Variants in DPP6 observed in about 807,000 individuals in gnomAD.
DPP6 encodes the protein A-type potassium channel modulatory protein DPP6.
DPP6 carries 69 observed loss-of-function variants against 122.6 expected under a neutral mutation model. The observed-to-expected ratio is 0.56, with a 90% CI of 0.46 to 0.69. DPP6 has a LOEUF of 0.69. DPP6 is among the 30% of genes least tolerant of loss of function. The pLI is 0.00. For missense variants in DPP6, 928 were observed against 1,116.9 expected (o/e 0.83, Z 2.41); for synonymous variants, 418 against 433.1 (o/e 0.97, Z 0.43).
rs112423638 is a variant in DPP6 at position 154,138,142 on chromosome 7, G to A, written c.243+85079G>A. Among the ~76,000 whole-genome samples, 1,082 of 152,242 alleles carry A rather than the reference G, an allele frequency of 7.1e-3. 7 individuals are homozygous for A. The highest frequency in any genetic ancestry group is 0.02 in the Middle Eastern group (6 of 294). On this transcript the variant is annotated intron_variant, in intron 1 of 25. Coordinates refer to ENST00000377770, the MANE Select transcript of DPP6 (RefSeq NM_130797.4). ...TGTTTTTGTGAACAGAAAATATGTG[G>A]ACTTGACTGCTTCATTTACTCTCTC...
At chr7:154,677,598 G>A (rs541554123) in intron 7 of DPP6, among the ~76,000 whole-genome samples, 2 of 152,366 alleles carry the variant, frequency 1.3e-5, no homozygotes, top group Admixed American at 1.3e-4. Flanking sequence ...ATAGCAGATC[G>A]GAGGGATGGA....
intron 5 of DPP6, among the ~76,000 whole-genome samples, chr7:154,572,510 CTTTTTTTT>C (rs77816407): frequency 0.013 from 1,129 of 86,064 alleles, 14 homozygotes; most frequent in African/African-American, 0.03. Context: ...TTTTTCTTTT[CTTTTTTTT>C]TTTTTTTTTT....
intron 1 of DPP6, among the ~76,000 whole-genome samples, chr7:154,253,395 T>C (rs1802473317): frequency 6.6e-6 from 1 of 152,226 alleles, no homozygotes; most frequent in South Asian, 2.1e-4. Context: ...GGGGAAAGCC[T>C]GTCAAGAAAG....
At chr7:154,500,185 A>G (rs2151408066) in intron 3 of DPP6, among the ~76,000 whole-genome samples, 1 of 150,812 alleles carries the variant, frequency 6.6e-6, no homozygotes, top group East Asian at 2.1e-4. Context: ...GTTTAGGCAC[A>G]GAAAGCCACT....
intron 8 of DPP6, among the ~76,000 whole-genome samples, chr7:154,728,745 T>C (rs1023670473): frequency 2.0e-5 from 3 of 152,202 alleles, no homozygotes; most frequent in Admixed American, 1.3e-4. Context: ...CACTGTCTGG[T>C]GAGGGCTCTC....
intron 1 of DPP6, among the ~76,000 whole-genome samples, chr7:154,077,679 T>A (rs185300606): frequency 0.09 from 13,177 of 147,178 alleles, 587 homozygotes; most frequent in Middle Eastern, 0.18. Flanking sequence ...TATTATTATT[T>A]TTTTTTTTTT....
chr7:153,929,779 T>G (rs963813938), intron 1 of DPP6, among the ~76,000 whole-genome samples: 1 of 152,218 alleles, frequency 6.6e-6, no homozygotes, highest in Non-Finnish European at 1.5e-5. Flanking sequence ...AATTACTGTT[T>G]GAATTGTAAT....
intron 12 of DPP6, among the ~76,000 whole-genome samples, chr7:154,798,229 GC>G (rs1563221977): frequency 6.6e-6 from 1 of 152,222 alleles, no homozygotes; most frequent in East Asian, 1.9e-4. Context: ...CCCATGGGGG[GC>G]CGTGGTTCTG....
intron 1 of DPP6, among the ~76,000 whole-genome samples, chr7:154,036,104 C>T (rs1799512535): frequency 6.6e-6 from 1 of 151,626 alleles, no homozygotes; most frequent in South Asian, 2.1e-4. Context: ...CACAAATTGC[C>T]TGCTTTTCTC....
At chr7:154,843,611 G>C (rs561590134) in intron 16 of DPP6, among the ~76,000 whole-genome samples, 1 of 152,352 alleles carries the variant, frequency 6.6e-6, no homozygotes, top group African/African-American at 2.4e-5. Flanking sequence ...GAGGTTGAGA[G>C]AATGTCTCTA....
chr7:154,474,169 G>C (rs1007541216), intron 2 of DPP6, among the ~76,000 whole-genome samples: 3 of 152,118 alleles, frequency 2.0e-5, no homozygotes, highest in Non-Finnish European at 4.4e-5. Flanking sequence ...GTGGATTTTT[G>C]TGCCTCTAAT....
chr7:154,237,834 G>T (rs886257600), intron 1 of DPP6, among the ~76,000 whole-genome samples: 4 of 152,170 alleles, frequency 2.6e-5, no homozygotes, highest in Non-Finnish European at 5.9e-5. Flanking sequence ...ATAATACCTT[G>T]TTAAAGAAAG....
At chr7:154,053,088 G>A (rs1238808536) in intron 1 of DPP6, 25 bp downstream of exon 1, 53 of 1,068,518 alleles carry the variant, frequency 5.0e-5, no homozygotes, top group Admixed American at 3.3e-4. Context: ...GGGGCGGGGG[G>A]CGGCGGCGGG....
intron 5 of DPP6, among the ~76,000 whole-genome samples, chr7:154,572,510 CTTTTTTT>C (rs77816407): frequency 9.3e-5 from 8 of 86,134 alleles, no homozygotes; most frequent in Non-Finnish European, 1.6e-4. Context: ...TTTTTCTTTT[CTTTTTTT>C]TTTTTTTTTT....
chr7:153,753,171 C>T, the DPP6 span, among the ~76,000 whole-genome samples: 2 of 149,770 alleles, frequency 1.3e-5, no homozygotes, highest in Admixed American at 6.6e-5. Context: ...TTTGATTTTC[C>T]ATGTTTGGTG....
chr7:153,972,259 A>C (rs879726839), intron 1 of DPP6, among the ~76,000 whole-genome samples: 169 of 148,824 alleles, frequency 1.1e-3, no homozygotes, highest in Middle Eastern at 3.6e-3. Flanking sequence ...GGCTGGGACC[A>C]CCATTCTGGG....
chr7:154,407,303 G>T (rs1816198394), intron 1 of DPP6, among the ~76,000 whole-genome samples: 2 of 152,084 alleles, frequency 1.3e-5, no homozygotes, highest in South Asian at 4.1e-4. Flanking sequence ...CTATCATTTG[G>T]TTCATCATGG....
At chr7:154,113,412 T>TATATACACACACACACACACAC (rs1472172445) in intron 1 of DPP6, among the ~76,000 whole-genome samples, 1 of 141,792 alleles carries the variant, frequency 7.1e-6, no homozygotes, top group Admixed American at 7.1e-5. Flanking sequence ...TATATATATA[T>TATATACACACACACACACACAC]ACACACACAC....
chr7:154,849,791 G>A (rs902276024), intron 16 of DPP6, among the ~76,000 whole-genome samples: 1 of 152,176 alleles, frequency 6.6e-6, no homozygotes, highest in South Asian at 2.1e-4. Flanking sequence ...TTTGATGTTA[G>A]CTATGGGTTT....
Sources: allele counts gnomAD v4.1 joint callset (sites outside exome capture counted in the v4.1 genomes callset), GRCh38; gene constraint gnomAD v4.1.1; transcripts MANE v1.5; gene names NCBI Gene and HGNC (gene_info 2026-07-23, HGNC 2026-07-21).